SFTPD: variants seen among roughly 807,000 people sequenced by gnomAD.
SFTPD encodes pulmonary surfactant-associated protein D.
SFTPD carries 18 observed loss-of-function variants against 34.6 expected under a neutral mutation model. That is an observed-to-expected ratio of 0.52 (90% confidence interval 0.36 to 0.77). The LOEUF is 0.77. Ranked by LOEUF, SFTPD falls within the 30% of genes least tolerant of loss-of-function variation. SFTPD has a pLI of 0.00. For missense variants in SFTPD, 433 were observed against 468.9 expected (o/e 0.92, Z 0.71); for synonymous variants, 155 against 180.9 (o/e 0.86, Z 1.15).
chr10:79,945,111 C>T (rs1842652808), intron 2 of SFTPD, among the ~76,000 whole-genome samples: 1 of 152,092 alleles, frequency 6.6e-6, no homozygotes, highest in African/African-American at 2.4e-5. Flanking sequence ...CAAGTACTGA[C>T]CCAAAGCCAG....
Position 79,978,651 on chromosome 10 carries a change from CAAAAAAAAAA to C in SFTPD, c.36+3914_36+3923del, listed in dbSNP as rs58759979. ...TGGGCAGCAGAGTGACACCCTGTCT[CAAAAAAAAAA>C]AAAAAAAAAAAAAAAAGGTATAGAA... On this transcript the variant is annotated intron_variant, in intron 1 of 5. Transcript: ENST00000444384. Among the ~76,000 whole-genome samples the C allele has an allele frequency of 9.0e-4, 47 of 51,976 alleles. No individual in the cohort carries two copies. In the East Asian group the frequency reaches 0.013, roughly 15 times the overall value. The allele number at this position is 51,976 out of a possible 152,430, so 34.1% of individuals were successfully genotyped here.
chr10:79,954,677 T>C (rs975711100), intron 1 of SFTPD, among the ~76,000 whole-genome samples: 1 of 152,164 alleles, frequency 6.6e-6, no homozygotes, highest in Non-Finnish European at 1.5e-5. Context: ...GTTTGAGTTC[T>C]GTTGACTAGC....
At chr10:79,978,886 T>TGAAAGAAA (rs376913506) in intron 1 of SFTPD, among the ~76,000 whole-genome samples, 1 of 151,086 alleles carries the variant, frequency 6.6e-6, no homozygotes, top group Admixed American at 6.6e-5. Context: ...GGCACCCAAA[T>TGAAAGAAA]GAAAGAAAGA....
chr10:79,971,662 T>C (rs1446142073), intron 1 of SFTPD: 1 of 152,228 alleles, frequency 6.6e-6, no homozygotes, highest in African/African-American at 2.4e-5. Context: ...CATAATAGTC[T>C]TTAATGACCT....
chr10:79,955,706 A>T (rs1410871317), intron 1 of SFTPD, among the ~76,000 whole-genome samples: 1 of 152,254 alleles, frequency 6.6e-6, no homozygotes, highest in South Asian at 2.1e-4. Flanking sequence ...CCTAATAAAA[A>T]TGACAAAGTG....
Position 79,937,868 on chromosome 10 carries a change from A to G in SFTPD, c.1112T>C (p.Val371Ala). 6.4e-7 allele frequency: 1 copy of G among 1,550,772 alleles called. No homozygotes were observed. The highest frequency in any genetic ancestry group is 8.7e-7 in the Non-Finnish European group (1 of 1,143,678). Reference sequence around the variant, plus strand: ...CCAGTTGGCTCAGAACTCGCAGACCACAAGACGCTTTTCTCCACAAGCCCT... The same window carrying G: ...CCAGTTGGCTCAGAACTCGCAGACCGCAAGACGCTTTTCTCCACAAGCCCT... The part of the protein sequence containing the change: ...NDRACGEKRL[V>A]VCEF Residue 371 changes from valine (V) to alanine (A), a missense_variant, in exon 8 of 8, where the codon GTG becomes GCG. Physicochemically the swap from Val to Ala is moderately conservative, Grantham distance 64. Coordinates refer to ENST00000372292, the MANE Select transcript of SFTPD (RefSeq NM_003019.5).
chr10:79,942,678 G>T, intron 3 of SFTPD, 85 bp downstream of exon 3: 2 of 1,035,780 alleles, frequency 1.9e-6, no homozygotes, highest in Non-Finnish European at 3.0e-6. Flanking sequence ...TTCTTCCTGG[G>T]ATGGGCTCTG....
chr10:79,945,037 G>A (rs971487889), intron 2 of SFTPD, among the ~76,000 whole-genome samples: 5 of 152,090 alleles, frequency 3.3e-5, no homozygotes, highest in African/African-American at 1.2e-4. Context: ...TGACTGGAGA[G>A]ACTGCGATTG....
At chr10:79,969,523 G>A (rs1026600893) in intron 1 of SFTPD, 47 of 151,834 alleles carry the variant, frequency 3.1e-4, no homozygotes, top group Admixed American at 9.2e-4. Flanking sequence ...TGCGTAGTTC[G>A]TGAATATTTT....
intron 1 of SFTPD, among the ~76,000 whole-genome samples, chr10:79,955,361 A>T (rs981292110): frequency 6.6e-6 from 1 of 152,210 alleles, no homozygotes; most frequent in African/African-American, 2.4e-5. Context: ...TTTGAAGAGT[A>T]AGGTTTTATC....
chr10:79,941,880 G>T (rs1341364106), intron 5 of SFTPD, 74 bp downstream of exon 5: 5 of 926,634 alleles, frequency 5.4e-6, no homozygotes, highest in African/African-American at 3.3e-5. Context: ...GGTGGAGGGG[G>T]TGTAGGCATT....
At chr10:79,982,286 CG>C in intron 1 of SFTPD, 2 of 998,104 alleles carry the variant, frequency 2.0e-6, no homozygotes, top group Non-Finnish European at 2.6e-6. Context: ...CACCGCGGGG[CG>C]GTTCCCGGCT....
upstream of SFTPD, among the ~76,000 whole-genome samples, chr10:79,953,422 GTTTT>G (rs3084853): frequency 2.8e-5 from 4 of 144,418 alleles, no homozygotes; most frequent in African/African-American, 5.1e-5. Context: ...TGACAGGTGG[GTTTT>G]TTTTTTTTTT....
At chr10:79,961,819 A>G (rs1445272634) in intron 1 of SFTPD, among the ~76,000 whole-genome samples, 3 of 152,150 alleles carry the variant, frequency 2.0e-5, no homozygotes, top group Non-Finnish European at 4.4e-5. Flanking sequence ...ATTATAAATC[A>G]TGCTGCTATA....
At chr10:79,975,195 C>T (rs1247900906) in intron 1 of SFTPD, among the ~76,000 whole-genome samples, 1 of 152,120 alleles carries the variant, frequency 6.6e-6, no homozygotes, top group Non-Finnish European at 1.5e-5. Context: ...ACTTTTTGCC[C>T]AGTGTCCTCC....
upstream of SFTPD, chr10:79,950,653 G>A (rs1034612715): frequency 2.6e-5 from 4 of 152,160 alleles, no homozygotes; most frequent in Admixed American, 6.5e-5. Context: ...ATGACGATAT[G>A]CCTTTATGAG....
Position 79,941,468 on chromosome 10 carries a change from T to C in SFTPD, c.597A>G (p.Gly199=). The change falls in exon 6 of 8, where the codon GGA becomes GGG. Residue 199 remains glycine (G), a synonymous_variant. Transcript: ENST00000372292. ...CTTTGTCCCCCTTCAATCCCGGGGG[T>C]CCCCTGGCACCTGGACTTCCCTGGG... ...MGPQGSPGAR[G]PPGLKGDKGI... 1 of 1,612,886 alleles carries C rather than the reference T, an allele frequency of 6.2e-7. No individual in the cohort carries two copies. The highest frequency in any genetic ancestry group is 8.5e-7 in the Non-Finnish European group (1 of 1,179,350).
At chr10:79,958,731 T>C (rs1002942163) in intron 1 of SFTPD, among the ~76,000 whole-genome samples, 6 of 152,148 alleles carry the variant, frequency 3.9e-5, no homozygotes, top group African/African-American at 1.4e-4. Context: ...ATTAGACAGA[T>C]CAACAAGACA....
At chr10:79,956,695 G>A (rs564177965) in intron 1 of SFTPD, among the ~76,000 whole-genome samples, 24 of 152,354 alleles carry the variant, frequency 1.6e-4, no homozygotes, top group African/African-American at 5.8e-4. Context: ...AAGGAGGCCT[G>A]CCTGCCTCTG....
Sources: allele counts gnomAD v4.1 joint callset (sites outside exome capture counted in the v4.1 genomes callset), GRCh38; gene constraint gnomAD v4.1.1; transcripts MANE v1.5; gene names NCBI Gene and HGNC (gene_info 2026-07-23, HGNC 2026-07-21).